Variants in BMERB1 observed in about 807,000 individuals in gnomAD.
The protein encoded by BMERB1 is bMERB domain containing 1, also known as bMERB domain-containing protein 1.
Under a neutral mutation model 23.6 loss-of-function variants are expected in BMERB1, and 12 were observed. The ratio of observed to expected loss-of-function variants is 0.51; its 90% confidence interval spans 0.33 to 0.82. The LOEUF is 0.82. BMERB1 is among the 40% of genes least tolerant of loss of function. The pLI is 0.03. For synonymous variants in BMERB1, 122 were observed against 96.6 expected (o/e 1.26, Z -1.54); for missense variants, 247 against 255.4 (o/e 0.97, Z 0.22).
At chr16:15,524,013 A>AT (rs1399867689) in intron 2 of BMERB1, among the ~76,000 whole-genome samples, 1 of 152,156 alleles carries the variant, frequency 6.6e-6, no homozygotes, top group East Asian at 1.9e-4. Context: ...ATTATTTAAG[A>AT]TTTTTTTATA....
At position 15,587,528 on chromosome 16, in the gene BMERB1, G is replaced by A. The variant is rs2031181366; in HGVS notation, c.*699G>A. On this transcript the variant is annotated 3_prime_UTR_variant, in exon 6 of 6. Transcript: ENST00000300006. ...CAGGTGTGTGCCTGGAGGGGGCCTGGACTGGCATGGATCCAGTGTGCAGAA... is the reference window on the plus strand; with the variant it reads ...CAGGTGTGTGCCTGGAGGGGGCCTGAACTGGCATGGATCCAGTGTGCAGAA... The A allele has an allele frequency of 2.2e-6, 1 of 451,668 alleles. No homozygotes were observed. The highest frequency in any genetic ancestry group is 4.5e-6 in the Non-Finnish European group (1 of 224,056). 28.0% of individuals were successfully genotyped at this position (451,668 alleles called of 1,614,324 possible).
rs543460703 is a variant in BMERB1 at position 15,509,538 on chromosome 16, C to T, written c.107-5767C>T. ...ACAGAGGAGGAAAGTGACGCAAAGA[C>T]ATAAAGGGACTCATTCGAGGTCTTG... On this transcript the variant is annotated intron_variant, in intron 1 of 5. Coordinates refer to ENST00000300006, the MANE Select transcript of BMERB1 (RefSeq NM_033201.3). Among the ~76,000 whole-genome samples, 17 of 152,290 alleles carry T rather than the reference C, an allele frequency of 1.1e-4. No homozygotes were observed. In the South Asian group the frequency reaches 3.5e-3, roughly 32 times the overall value.
intron 1 of BMERB1, among the ~76,000 whole-genome samples, chr16:15,435,268 G>A (rs2050878348): frequency 6.6e-6 from 1 of 152,184 alleles, no homozygotes; most frequent in South Asian, 2.1e-4. Context: ...CGCCTTCCTT[G>A]GGTCGGGGTG....
At chr16:15,566,382 G>A (rs1334639371) in intron 2 of BMERB1, among the ~76,000 whole-genome samples, 1 of 152,174 alleles carries the variant, frequency 6.6e-6, no homozygotes, top group Non-Finnish European at 1.5e-5. Flanking sequence ...CAATGTAAGT[G>A]TTCATGCCAC....
At chr16:15,536,217 G>T (rs963037093) in intron 2 of BMERB1, among the ~76,000 whole-genome samples, 5 of 152,122 alleles carry the variant, frequency 3.3e-5, no homozygotes, top group African/African-American at 1.2e-4. Flanking sequence ...TGACAGAGGG[G>T]CCACAGAGGT....
At chr16:15,446,913 C>G (rs554079406) in intron 1 of BMERB1, among the ~76,000 whole-genome samples, 4 of 152,212 alleles carry the variant, frequency 2.6e-5, no homozygotes, top group Admixed American at 1.3e-4. Context: ...GTTTTGAAGA[C>G]TTGTAGCTTC....
At chr16:15,540,807 G>A (rs758572109) in intron 2 of BMERB1, among the ~76,000 whole-genome samples, 2 of 152,278 alleles carry the variant, frequency 1.3e-5, no homozygotes, top group East Asian at 3.9e-4. Context: ...CAAATTGCTC[G>A]ACTTCTCTGT....
intron 1 of BMERB1, among the ~76,000 whole-genome samples, chr16:15,510,909 T>C (rs1421196263): frequency 6.6e-6 from 1 of 152,008 alleles, no homozygotes; most frequent in African/African-American, 2.4e-5. Context: ...ACCGTGTTGG[T>C]CACACTGGTC....
At chr16:15,485,570 A>G (rs1308664284) in intron 1 of BMERB1, among the ~76,000 whole-genome samples, 1 of 152,146 alleles carries the variant, frequency 6.6e-6, no homozygotes, top group Non-Finnish European at 1.5e-5. Flanking sequence ...ATGCAGCCAC[A>G]TTTTATATCC....
intron 2 of BMERB1, among the ~76,000 whole-genome samples, chr16:15,563,509 G>A (rs944778826): frequency 6.6e-6 from 1 of 151,980 alleles, no homozygotes; most frequent in African/African-American, 2.4e-5. Flanking sequence ...ATGAGCCACC[G>A]TGCCCAGCCA....
chr16:15,542,892 A>G (rs1219026136), intron 2 of BMERB1, among the ~76,000 whole-genome samples: 1 of 152,052 alleles, frequency 6.6e-6, no homozygotes, highest in African/African-American at 2.4e-5. Context: ...CTCTGGTCCC[A>G]TGGCAGCGTC....
chr16:15,525,719 GAAAAA>G (rs1345142452), intron 2 of BMERB1, among the ~76,000 whole-genome samples: 4 of 149,016 alleles, frequency 2.7e-5, no homozygotes, highest in African/African-American at 7.5e-5. Flanking sequence ...AAAAAAAAAA[GAAAAA>G]AGAAAAGAAT....
chr16:15,539,230 C>T (rs1044757353), intron 2 of BMERB1, among the ~76,000 whole-genome samples: 1 of 152,106 alleles, frequency 6.6e-6, no homozygotes, highest in African/African-American at 2.4e-5. Context: ...AGCGTGCAAC[C>T]TAGATCCCTC....
intron 1 of BMERB1, among the ~76,000 whole-genome samples, chr16:15,436,858 C>T (rs998864509): frequency 6.6e-6 from 1 of 151,814 alleles, no homozygotes; most frequent in African/African-American, 2.4e-5. Flanking sequence ...CCCTCAACAA[C>T]CTCCTGCAGT....
intron 2 of BMERB1, among the ~76,000 whole-genome samples, chr16:15,529,759 G>T (rs939404049): frequency 2.0e-4 from 30 of 152,186 alleles, no homozygotes; most frequent in African/African-American, 7.2e-4. Flanking sequence ...GGCAGGTCTG[G>T]GTGGTGAGAA....
intron 1 of BMERB1, among the ~76,000 whole-genome samples, chr16:15,457,287 A>G (rs2150926482): frequency 6.6e-6 from 1 of 152,246 alleles, no homozygotes; most frequent in East Asian, 1.9e-4. Flanking sequence ...TCGTAATTCA[A>G]ATGATACTGT....
At chr16:15,544,103 G>A (rs1007520227) in intron 2 of BMERB1, among the ~76,000 whole-genome samples, 2 of 152,086 alleles carry the variant, frequency 1.3e-5, no homozygotes, top group Admixed American at 6.6e-5. Flanking sequence ...GAAAAAAGAC[G>A]ACATTAAAGG....
chr16:15,487,209 A>G (rs866608256), intron 1 of BMERB1, among the ~76,000 whole-genome samples: 1 of 152,200 alleles, frequency 6.6e-6, no homozygotes, highest in Non-Finnish European at 1.5e-5. Context: ...ATAACCTTAA[A>G]AGCTTTAGTA....
chr16:15,442,555 T>C (rs968224713), intron 1 of BMERB1, among the ~76,000 whole-genome samples: 2 of 152,188 alleles, frequency 1.3e-5, no homozygotes, highest in Non-Finnish European at 1.5e-5. Flanking sequence ...AGTTTCCTCC[T>C]GTGTTAATTG....
Sources: gnomAD v4.1 joint callset for allele counts (sites outside exome capture counted in the v4.1 genomes callset) on GRCh38, gnomAD v4.1.1 for gene constraint, MANE v1.5 for transcripts, NCBI Gene and HGNC (gene_info 2026-07-23, HGNC 2026-07-21) for gene names.